The following E2F1 variants were observed in gnomAD, a reference collection of about 807,000 sequenced individuals.
E2F1 encodes E2F transcription factor 1, also known as transcription factor E2F1.
Under a neutral mutation model 36.9 loss-of-function variants are expected in E2F1, and 7 were observed. That is an observed-to-expected ratio of 0.19 (90% CI 0.11 to 0.36). The LOEUF is 0.36. Among genes scored for constraint, E2F1 ranks in the 10% least tolerant of loss-of-function variants. The pLI, the probability that E2F1 is intolerant of heterozygous loss-of-function variation, is 1.00. For synonymous variants in E2F1, 261 were observed against 263.1 expected, an observed-to-expected ratio of 0.99 and a Z score of 0.08; for missense variants, 406 against 573.6, an observed-to-expected ratio of 0.71 and a Z score of 2.99.
chr20:33,682,803 C>T (rs886422851), intron 1 of E2F1, among the ~76,000 whole-genome samples: 8 of 152,206 alleles, frequency 5.3e-5, no homozygotes, highest in Non-Finnish European at 1.0e-4. Context: ...GAACACCACG[C>T]AGCTGTCAAG....
chr20:33,685,987 G>A lies in E2F1; in HGVS notation c.261+17C>T, dbSNP rs1601189972. 2.7e-6 allele frequency: 3 copies of A among 1,128,460 alleles called. No individual in the cohort carries two copies. In the East Asian group the frequency reaches 1.4e-4, roughly 53 times the overall value. 69.9% of individuals were successfully genotyped at this position (1,128,460 alleles called of 1,614,324 possible). A position where few individuals can be genotyped will look rare whatever the true frequency, so the allele number is the denominator to read the frequency against. ...GCACAGGCGGCGCTGTCGGCGCGGC[G>A]TCCCTGGGGTCCGTACCGGCGGGCG... On this transcript the variant is annotated intron_variant, in intron 1 of 6. Coordinates refer to ENST00000343380, the MANE Select transcript of E2F1 (RefSeq NM_005225.3).
Position 33,676,470 on chromosome 20 carries a change from A to G in E2F1, c.*262T>C. On this transcript the variant is annotated 3_prime_UTR_variant, in exon 7 of 7. Coordinates refer to ENST00000343380, the MANE Select transcript of E2F1 (RefSeq NM_005225.3). ...CATTCCCCGGTACATGCACACACAC[A>G]TGCTCACACACATTCACCCCCGGTA... is the stretch of plus-strand genomic sequence containing the variant. 1 of 460,952 alleles carries G rather than the reference A, an allele frequency of 2.2e-6. No individual in the cohort carries two copies. Among genetic ancestry groups the G allele is most frequent in the Non-Finnish European group, 3.8e-6 (1 of 260,344 alleles). 28.6% of individuals were successfully genotyped at this position (460,952 alleles called of 1,614,324 possible).
intron 1 of E2F1, among the ~76,000 whole-genome samples, chr20:33,681,763 C>A (rs1309270778): frequency 2.6e-5 from 4 of 152,180 alleles, no homozygotes; most frequent in Non-Finnish European, 5.9e-5. Context: ...AACTGCTCAT[C>A]ACCACGGCGA....
rs2017995592 is a variant in E2F1 at position 33,679,137 on chromosome 20, T to C, written c.572+618A>G. Among the ~76,000 whole-genome samples the C allele has an allele frequency of 6.6e-6, 1 of 152,254 alleles. No individual in the cohort carries two copies. ...AGGGCATGAGAAGCCAGGATAGTGG[T>C]GACCTGGCGGTGTGAGGGGTTGGCA... On this transcript the variant is annotated intron_variant, in intron 3 of 6. Transcript: ENST00000343380. The surrounding 1 kb of genome is among the most constrained non-coding windows in gnomAD (Gnocchi z 4.6).
At position 33,676,290 on chromosome 20, in the gene E2F1, G is replaced by T. The variant is rs1279881403; in HGVS notation, c.*442C>A. 2 of 159,258 alleles carry T rather than the reference G, an allele frequency of 1.3e-5. No individual in the cohort carries two copies. Among genetic ancestry groups the T allele is most frequent in the African/African-American group, 4.8e-5 (2 of 41,710 alleles). 9.9% of individuals were successfully genotyped at this position (159,258 alleles called of 1,614,324 possible). ...GCCTGGTCAGAGCACCAGATTCTGG[G>T]AGCAGGCACTGCCCTGGGCCTTGTG... is the stretch of plus-strand genomic sequence containing the variant. On this transcript the variant is annotated 3_prime_UTR_variant, in exon 7 of 7. Transcript: ENST00000343380.
At chr20:33,682,517 C>A (rs889441664) in intron 1 of E2F1, among the ~76,000 whole-genome samples, 1 of 152,212 alleles carries the variant, frequency 6.6e-6, no homozygotes, top group Non-Finnish European at 1.5e-5. Flanking sequence ...CCTCCATACT[C>A]GCCCCTGGGG....
Position 33,676,132 on chromosome 20 carries a change from TG to T in E2F1, c.*599del, listed in dbSNP as rs2096623541. 1 of 152,802 alleles carries T rather than the reference TG, an allele frequency of 6.5e-6. No individual in the cohort carries two copies. The highest frequency in any genetic ancestry group is 6.5e-5 in the Admixed American group (1 of 15,286). 9.5% of individuals were successfully genotyped at this position (152,802 alleles called of 1,614,324 possible). ...ACCCCACACCCCTCCTCCCCTTTGCTGATTCCCCAGGCTCACCAAAGAGGCC... is the reference window on the plus strand; with the variant it reads ...ACCCCACACCCCTCCTCCCCTTTGCTATTCCCCAGGCTCACCAAAGAGGCC... On this transcript the variant is annotated 3_prime_UTR_variant, in exon 7 of 7. Transcript: ENST00000343380.
Position 33,686,033 on chromosome 20 carries a change from C to A in E2F1, c.232G>T (p.Ala78Ser), listed in dbSNP as rs1306675586. 2.6e-6 allele frequency: 3 copies of A among 1,134,922 alleles called. No homozygotes were observed. The highest frequency in any genetic ancestry group is 3.2e-6 in the Non-Finnish European group (3 of 927,118). 70.3% of individuals were successfully genotyped at this position (1,134,922 alleles called of 1,614,324 possible). A position where few individuals can be genotyped will look rare whatever the true frequency, so the allele number is the denominator to read the frequency against. Reference sequence around the variant, plus strand: ...GGGCGGCCGAGCGCGGGCCGCGGCGCACTGGGTGTGGGCCGGGGCGCCTGC... The same window carrying A: ...GGGCGGCCGAGCGCGGGCCGCGGCGAACTGGGTGTGGGCCGGGGCGCCTGC... ...TPQAPRPTPS[A>S]PRPALGRPPV... Residue 78 changes from alanine (A) to serine (S), a missense_variant, in exon 1 of 7, where the codon GCG (alanine) becomes TCG (serine). Transcript: ENST00000343380.
rs2018001562 is a variant in E2F1, at chr20:33,679,733, C to T, written c.572+22G>A. ...GCTGGCATGGGCAGGTGTGCCTGCC[C>T]TCCTGTGTGGCCGGTACCTACAGCC... On this transcript the variant is annotated intron_variant, in intron 3 of 6. Transcript: ENST00000343380. The surrounding 1 kb of genome is among the most constrained non-coding windows in gnomAD (Gnocchi z 4.6). The T allele has an allele frequency of 3.7e-6, 6 of 1,610,642 alleles. No individual in the cohort carries two copies. The highest frequency in any genetic ancestry group is 5.1e-6 in the Non-Finnish European group (6 of 1,178,172).
intron 1 of E2F1, among the ~76,000 whole-genome samples, chr20:33,685,064 C>T (rs971044714): frequency 9.2e-5 from 14 of 152,174 alleles, no homozygotes; most frequent in Non-Finnish European, 2.9e-5. Context: ...CTCTTCTGGG[C>T]CCTCCAGTCT....
chr20:33,678,414 C>T, intron 3 of E2F1, 61 bp from the exon 4 acceptor site: 1 of 1,593,654 alleles, frequency 6.3e-7, no homozygotes, highest in Non-Finnish European at 8.5e-7. Context: ...GCCAGGAGCC[C>T]TGGGCCTCAG....
At chr20:33,685,977 T>C in intron 1 of E2F1, 27 bp downstream of exon 1, 1 of 1,125,256 alleles carries the variant, frequency 8.9e-7, no homozygotes, top group Non-Finnish European at 1.1e-6. Flanking sequence ...GGCGGCGCTG[T>C]CGGCGCGGCG....
At position 33,677,542 on chromosome 20, in the gene E2F1, T is replaced by C. The variant is rs2122543142; in HGVS notation, c.726-2A>G. 6.2e-7 allele frequency: 1 copy of C among 1,613,188 alleles called. No individual in the cohort carries two copies. The highest frequency in any genetic ancestry group is 1.1e-5 in the South Asian group (1 of 91,028). On this transcript the variant is annotated splice_acceptor_variant, in intron 4 of 6. Coordinates refer to ENST00000343380, the MANE Select transcript of E2F1 (RefSeq NM_005225.3). LOFTEE classifies it high-confidence loss of function. ...TCCTGACACGTCACGTAGGCCAGGGTTGGCAGAGTCAAGGACCACATGACC... is the reference window on the plus strand; with the variant it reads ...TCCTGACACGTCACGTAGGCCAGGGCTGGCAGAGTCAAGGACCACATGACC...
Position 33,676,648 on chromosome 20 carries a change from T to G in E2F1, c.*84A>C. Reference sequence around the variant, plus strand: ...ATAAATTAAATGTTTCCAAACAGGCTGGGAGGACGGCCAGGGACAGGGGGC... The same window carrying G: ...ATAAATTAAATGTTTCCAAACAGGCGGGGAGGACGGCCAGGGACAGGGGGC... On this transcript the variant is annotated 3_prime_UTR_variant, in exon 7 of 7. Coordinates refer to ENST00000343380, the MANE Select transcript of E2F1 (RefSeq NM_005225.3). The G allele has an allele frequency of 6.7e-7, 1 of 1,502,218 alleles. No homozygotes were observed. Among genetic ancestry groups the G allele is most frequent in the Non-Finnish European group, 8.9e-7 (1 of 1,124,632 alleles). The allele number at this position is 1,502,218 out of a possible 1,614,324, so 93.1% of individuals were successfully genotyped here.
intron 4 of E2F1, 44 bp from the exon 5 acceptor site, chr20:33,677,584 T>A: frequency 6.7e-7 from 1 of 1,482,152 alleles, no homozygotes; most frequent in Non-Finnish European, 9.4e-7. Flanking sequence ...TTCTAGGGGG[T>A]CACTCACTCC....
chr20:33,680,203 G>T, intron 2 of E2F1, 123 bp downstream of exon 2: 1 of 1,119,194 alleles, frequency 8.9e-7, no homozygotes, highest in Non-Finnish European at 1.3e-6. Flanking sequence ...GCCCATCAGG[G>T]TCCTCAGAGG....
At chr20:33,684,652 C>T (rs1274260936) in intron 1 of E2F1, among the ~76,000 whole-genome samples, 2 of 152,166 alleles carry the variant, frequency 1.3e-5, no homozygotes, top group African/African-American at 4.8e-5. Context: ...AAGCGCTTGG[C>T]ACAGAGCCTG....
chr20:33,682,354 C>G (rs185115143), intron 1 of E2F1, among the ~76,000 whole-genome samples: 167 of 152,298 alleles, frequency 1.1e-3, no homozygotes, highest in African/African-American at 4.0e-3. Context: ...ACCCTCCGGC[C>G]ACCTTTTGGC....
Position 33,676,558 on chromosome 20 carries a change from T to G in E2F1, c.*174A>C. On this transcript the variant is annotated 3_prime_UTR_variant, in exon 7 of 7. Coordinates refer to ENST00000343380, the MANE Select transcript of E2F1 (RefSeq NM_005225.3). The stretch of plus-strand genomic sequence containing the variant: ...ACACAGACTCCTTCCCTTCCTGGCT[T>G]GCTCAGCCTCCTAGCGGTAGCCAGA... 1.1e-6 allele frequency: 1 copy of G among 933,202 alleles called. No homozygotes were observed. Among genetic ancestry groups the G allele is most frequent in the Non-Finnish European group, 1.5e-6 (1 of 650,704 alleles). 57.8% of individuals were successfully genotyped at this position (933,202 alleles called of 1,614,324 possible). A position where few individuals can be genotyped will look rare whatever the true frequency, so the allele number is the denominator to read the frequency against.
Sources: allele counts gnomAD v4.1 joint callset (sites outside exome capture counted in the v4.1 genomes callset), GRCh38; gene constraint gnomAD v4.1.1; non-coding constraint Gnocchi (gnomAD v3.1); transcripts MANE v1.5; gene names NCBI Gene and HGNC (gene_info 2026-07-23, HGNC 2026-07-21).